COL27A1: variants seen among roughly 807,000 people sequenced by gnomAD.
COL27A1 encodes collagen type XXVII alpha 1 chain.
COL27A1 carries 106 observed loss-of-function variants against 251.3 expected under a neutral mutation model. That is an observed-to-expected ratio of 0.42 (90% confidence interval 0.36 to 0.50). COL27A1 has a LOEUF of 0.50. Ranked by LOEUF, COL27A1 falls within the 20% of genes least tolerant of loss-of-function variation. The pLI is 0.00. For missense variants in COL27A1, 2,325 were observed against 2,522.8 expected (o/e 0.92, Z 1.68); for synonymous variants, 1,000 against 986.3 (o/e 1.01, Z -0.26).
Position 114,304,689 on chromosome 9 carries a change from C to G in COL27A1, c.4938+16C>G. On this transcript the variant is annotated intron_variant, in intron 57 of 60. Coordinates refer to ENST00000356083, the MANE Select transcript of COL27A1 (RefSeq NM_032888.4). ...CAGGCCAGAGGTATCTCCAGGGGCTCTCCCCATGTGGGATCCCTTCCTGGG... is the reference window on the plus strand; with the variant it reads ...CAGGCCAGAGGTATCTCCAGGGGCTGTCCCCATGTGGGATCCCTTCCTGGG... The G allele has an allele frequency of 1.9e-6, 3 of 1,612,114 alleles. No homozygotes were observed. Among genetic ancestry groups the G allele is most frequent in the Non-Finnish European group, 2.5e-6 (3 of 1,178,228 alleles).
At chr9:114,300,546 C>A (rs1828544877) in intron 50 of COL27A1, 79 bp from the exon 51 acceptor site, 1 of 1,213,064 alleles carries the variant, frequency 8.2e-7, no homozygotes, top group East Asian at 2.6e-5. Flanking sequence ...GGTTGACAGA[C>A]CCCAGGGGTG....
intron 6 of COL27A1, 93 bp downstream of exon 6, chr9:114,194,550 A>G: frequency 1.8e-6 from 2 of 1,134,946 alleles, no homozygotes; most frequent in Non-Finnish European, 2.6e-6. Context: ...GCCAGAGGCC[A>G]TGCATGGCAA....
chr9:114,154,401 G>A (rs1159652905), upstream of COL27A1, among the ~76,000 whole-genome samples: 3 of 152,188 alleles, frequency 2.0e-5, no homozygotes, highest in Non-Finnish European at 4.4e-5. This position sits in a 1 kb window ranked among gnomAD's most constrained non-coding sequence, Gnocchi z 5.8. Context: ...GGAGCGGTGC[G>A]AAGTGTTATA....
chr9:114,255,315 A>T (rs1833847446), intron 27 of COL27A1, among the ~76,000 whole-genome samples: 1 of 151,856 alleles, frequency 6.6e-6, no homozygotes, highest in Non-Finnish European at 1.5e-5. Flanking sequence ...CAGTGGTCAG[A>T]GATAGAGTGA....
At chr9:114,282,689 T>G in intron 39 of COL27A1, 125 bp downstream of exon 39, 1 of 627,416 alleles carries the variant, frequency 1.6e-6, no homozygotes, top group East Asian at 2.9e-5. Flanking sequence ...GAACACCTGG[T>G]GCTCATTGCC....
intron 28 of COL27A1, among the ~76,000 whole-genome samples, chr9:114,263,628 G>A (rs548415452): frequency 2.0e-5 from 3 of 152,250 alleles, no homozygotes; most frequent in South Asian, 4.1e-4. Flanking sequence ...CCCTTGGCTG[G>A]GCCTTAGTAT....
intron 20 of COL27A1, 27 bp from the exon 21 acceptor site, chr9:114,240,407 A>G: frequency 6.2e-7 from 1 of 1,611,322 alleles, no homozygotes. Flanking sequence ...CGCCTCTGAG[A>G]CTCCCTTTTT....
chr9:114,237,877 C>T (rs1483948576), intron 19 of COL27A1, among the ~76,000 whole-genome samples, 162 bp downstream of exon 19: 1 of 152,198 alleles, frequency 6.6e-6, no homozygotes, highest in Admixed American at 6.5e-5. Flanking sequence ...CATTTATTTT[C>T]CCCTTCTGCT....
chr9:114,166,398 C>CCCTCCCTCCATCCAT (rs1848875368), intron 2 of COL27A1, among the ~76,000 whole-genome samples: 1 of 144,504 alleles, frequency 6.9e-6, no homozygotes, highest in Non-Finnish European at 1.5e-5. Context: ...CATCCATCCA[C>CCCTCCCTCCATCCAT]CCACCCACCT....
chr9:114,185,195 C>A (rs1388374838), intron 5 of COL27A1, among the ~76,000 whole-genome samples: 2 of 152,186 alleles, frequency 1.3e-5, no homozygotes, highest in Non-Finnish European at 2.9e-5. Flanking sequence ...CAAGTGAGTT[C>A]TCCTGCCACC....
intron 3 of COL27A1, 40 bp from the exon 4 acceptor site, chr9:114,178,251 G>C (rs1827621133): frequency 6.4e-7 from 1 of 1,560,010 alleles, no homozygotes; most frequent in Admixed American, 1.7e-5. Context: ...TCTGCTGCCA[G>C]TGGGCACTGT....
At position 114,294,247 on chromosome 9, in the gene COL27A1, CAAAAAAA is replaced by C. The variant is rs58536000; in HGVS notation, c.4584+2053_4584+2059del. Among the ~76,000 whole-genome samples the C allele has an allele frequency of 2.0e-3, 168 of 84,272 alleles. 1 individual carries two copies. Among genetic ancestry groups the C allele is most frequent in the Non-Finnish European group, 3.6e-3 (155 of 43,468 alleles). The allele number at this position is 84,272 out of a possible 152,430, so 55.3% of individuals were successfully genotyped here. ...TGGGCGACAGGGAGAGACTCTGTCTCAAAAAAAAAAAAAAAAAAAAAAGAAGGAATAC... is the reference window on the plus strand; with the variant it reads ...TGGGCGACAGGGAGAGACTCTGTCTCAAAAAAAAAAAAAAAGAAGGAATAC... On this transcript the variant is annotated intron_variant, in intron 49 of 60. Transcript: ENST00000356083.
At chr9:114,154,446 T>G (rs1848014223), upstream of COL27A1, among the ~76,000 whole-genome samples, 1 of 145,164 alleles carries the variant, frequency 6.9e-6, no homozygotes, top group African/African-American at 2.6e-5. This position sits in a 1 kb window ranked among gnomAD's most constrained non-coding sequence, Gnocchi z 5.8. Flanking sequence ...GGTGTGCGCG[T>G]ATGGGGAGGT....
At chr9:114,260,222 A>G (rs556127411) in intron 28 of COL27A1, among the ~76,000 whole-genome samples, 1 of 152,304 alleles carries the variant, frequency 6.6e-6, no homozygotes, top group East Asian at 1.9e-4. Flanking sequence ...TGAAGAACGT[A>G]TTCCTGCTTA....
At chr9:114,259,725 G>A (rs1421874071) in intron 28 of COL27A1, among the ~76,000 whole-genome samples, 4 of 152,186 alleles carry the variant, frequency 2.6e-5, no homozygotes, top group African/African-American at 9.7e-5. Flanking sequence ...TTGACAGGAT[G>A]GTCTGCCAGC....
intron 10 of COL27A1, 161 bp from the exon 11 acceptor site, chr9:114,209,514 C>T (rs2135326822): frequency 1.3e-6 from 1 of 787,912 alleles, no homozygotes; most frequent in Middle Eastern, 2.4e-4. Flanking sequence ...ACACTTGCCT[C>T]AAGGCCTATG....
intron 12 of COL27A1, among the ~76,000 whole-genome samples, chr9:114,212,327 G>T (rs1830424507): frequency 6.6e-6 from 1 of 152,228 alleles, no homozygotes; most frequent in Non-Finnish European, 1.5e-5. Flanking sequence ...AAGGAGATTT[G>T]TTCATCCAGT....
chr9:114,236,209 C>G (rs1475565219), intron 17 of COL27A1, among the ~76,000 whole-genome samples: 1 of 152,126 alleles, frequency 6.6e-6, no homozygotes, highest in African/African-American at 2.4e-5. Context: ...CCATTTCCCT[C>G]TCTAGATGCT....
chr9:114,205,746 T>C lies in COL27A1; in HGVS notation c.2170-13T>C, dbSNP rs568714618. The C allele has an allele frequency of 1.9e-6, 3 of 1,613,666 alleles. No individual in the cohort carries two copies. In the East Asian group the frequency reaches 6.7e-5, roughly 36 times the overall value. Reference sequence around the variant, plus strand: ...TCTTTCTTTTCCTTATGTTTCTCTCTGTTCCTTTGCAGGGGCAGCCAGGAC... The same window carrying C: ...TCTTTCTTTTCCTTATGTTTCTCTCCGTTCCTTTGCAGGGGCAGCCAGGAC... On this transcript the variant is annotated splice_polypyrimidine_tract_variant and intron_variant, in intron 8 of 60. Coordinates refer to ENST00000356083, the MANE Select transcript of COL27A1 (RefSeq NM_032888.4).
Sources: gnomAD v4.1 joint callset for allele counts (sites outside exome capture counted in the v4.1 genomes callset) on GRCh38, gnomAD v4.1.1 for gene constraint, Gnocchi (gnomAD v3.1) non-coding constraint, MANE v1.5 for transcripts, NCBI Gene and HGNC (gene_info 2026-07-23, HGNC 2026-07-21) for gene names.